Variants in LAMA2 observed in about 807,000 individuals in gnomAD.
LAMA2 encodes laminin subunit alpha 2.
LAMA2 carries 269 observed loss-of-function variants against 364.8 expected under a neutral mutation model. The observed-to-expected ratio is 0.74, with a 90% CI of 0.67 to 0.82. The LOEUF is 0.82. Ranked by LOEUF, LAMA2 falls within the 40% of genes least tolerant of loss-of-function variation. The probability of loss-of-function intolerance (pLI) is 0.00; values close to 1 mark genes in which losing one functional copy is unlikely to be tolerated. For missense variants in LAMA2, 3,807 were observed against 3,873.2 expected (o/e 0.98, Z 0.45); for synonymous variants, 1,379 against 1,370.6 (o/e 1.01, Z -0.14).
rs928627558 is a variant in LAMA2, at chr6:129,328,712, T to G, written c.4311+300T>G. On this transcript the variant is annotated intron_variant, in intron 29 of 64. Coordinates refer to ENST00000421865, the MANE Select transcript of LAMA2 (RefSeq NM_000426.4). ...TTTTTTCTGATTATTTTCTTATAAA[T>G]AAACTTTCTATAAAATTTGGAAATT... 2.0e-5 allele frequency among the ~76,000 whole-genome samples: 3 copies of G among 152,148 alleles called. No homozygotes were observed. In the East Asian group the frequency reaches 5.8e-4, roughly 29 times the overall value.
intron 37 of LAMA2, 69 bp downstream of exon 37, chr6:129,393,324 G>A (rs1779428520): frequency 1.7e-6 from 2 of 1,153,604 alleles, no homozygotes; most frequent in African/African-American, 3.0e-5. Flanking sequence ...GTTGAACATG[G>A]CTGGACTATT....
In LAMA2 at chr6:129,148,568, T is replaced by A. The variant is rs79114164; in HGVS notation, c.910-411T>A. On this transcript the variant is annotated intron_variant, in intron 6 of 64. Coordinates refer to ENST00000421865, the MANE Select transcript of LAMA2 (RefSeq NM_000426.4). ...AGAGACATTAGATTTCTGGTTTACC[T>A]GCACCCCTAGAGGCCTAGGAATCAA... 9.5e-3 allele frequency among the ~76,000 whole-genome samples: 1,448 copies of A among 152,174 alleles called. 28 individuals carry two copies. Among genetic ancestry groups the A allele is most frequent in the African/African-American group, 0.034 (1,402 of 41,534 alleles).
At chr6:129,080,469 T>G (rs1452942116) in intron 3 of LAMA2, among the ~76,000 whole-genome samples, 1 of 152,190 alleles carries the variant, frequency 6.6e-6, no homozygotes, top group Non-Finnish European at 1.5e-5. Flanking sequence ...TTCTAACTTC[T>G]CATATACATG....
intron 32 of LAMA2, among the ~76,000 whole-genome samples, chr6:129,361,409 C>A (rs1777451630): frequency 6.6e-6 from 1 of 152,126 alleles, no homozygotes; most frequent in African/African-American, 2.4e-5. Context: ...TTATACATTC[C>A]AAAGTTTAGT....
intron 37 of LAMA2, among the ~76,000 whole-genome samples, chr6:129,396,446 G>A (rs1289132890): frequency 6.6e-6 from 1 of 152,172 alleles, no homozygotes; most frequent in Non-Finnish European, 1.5e-5. Flanking sequence ...GGAAGTGTAA[G>A]GTGATCTTAG....
intron 3 of LAMA2, among the ~76,000 whole-genome samples, chr6:129,087,321 A>G (rs1219886149): frequency 3.3e-5 from 5 of 152,220 alleles, no homozygotes; most frequent in Non-Finnish European, 5.9e-5. Context: ...CCTAAATAAA[A>G]TGTTATTTTC....
chr6:129,115,287 A>G (rs539378863), intron 4 of LAMA2, among the ~76,000 whole-genome samples: 28 of 152,254 alleles, frequency 1.8e-4, no homozygotes, highest in African/African-American at 6.0e-4. Context: ...TCTGTAACTT[A>G]GCAAAAATAC....
chr6:129,138,946 G>A (rs1014293237), intron 4 of LAMA2, among the ~76,000 whole-genome samples: 4 of 152,032 alleles, frequency 2.6e-5, no homozygotes, highest in African/African-American at 4.8e-5. Flanking sequence ...TAGCTGAAGC[G>A]GTAGAAGGAA....
At chr6:129,118,735 A>G (rs1322706747) in intron 4 of LAMA2, among the ~76,000 whole-genome samples, 1 of 152,178 alleles carries the variant, frequency 6.6e-6, no homozygotes, top group African/African-American at 2.4e-5. Context: ...TACAGTCAGA[A>G]TCTCTCTAAG....
chr6:129,076,509 A>AT lies in LAMA2; in HGVS notation c.396+16614dup, dbSNP rs1324193568. 2.9e-4 allele frequency among the ~76,000 whole-genome samples: 41 copies of AT among 139,722 alleles called. 1 individual carries two copies. Among genetic ancestry groups the AT allele is most frequent in the African/African-American group, 1.0e-3 (39 of 37,386 alleles). 91.7% of individuals were successfully genotyped at this position (139,722 alleles called of 152,430 possible). ...TTATATATTATATATAAATATATAT[A>AT]TATAATATATATAAAATTAGAGAAT... On this transcript the variant is annotated intron_variant, in intron 3 of 64. Coordinates refer to ENST00000421865, the MANE Select transcript of LAMA2 (RefSeq NM_000426.4).
At chr6:129,339,727 G>A (rs922701668) in intron 29 of LAMA2, among the ~76,000 whole-genome samples, 3 of 152,188 alleles carry the variant, frequency 2.0e-5, no homozygotes, top group African/African-American at 4.8e-5. Flanking sequence ...CATGGGGGCT[G>A]GGCACGGCAG....
intron 58 of LAMA2, among the ~76,000 whole-genome samples, chr6:129,495,507 G>A (rs1785117740): frequency 6.6e-6 from 1 of 152,142 alleles, no homozygotes; most frequent in Non-Finnish European, 1.5e-5. Flanking sequence ...ACCTAAGAAT[G>A]TTTTAATGTT....
chr6:129,310,781 T>G (rs1234090658), intron 22 of LAMA2, among the ~76,000 whole-genome samples: 1 of 152,120 alleles, frequency 6.6e-6, no homozygotes, highest in Non-Finnish European at 1.5e-5. Flanking sequence ...GAGGGCATGC[T>G]CCTTCTCCCC....
chr6:129,127,769 T>C (rs1480051560), intron 4 of LAMA2, among the ~76,000 whole-genome samples: 2 of 152,192 alleles, frequency 1.3e-5, no homozygotes, highest in African/African-American at 4.8e-5. Context: ...TAATGATTAG[T>C]GATTTTTTCA....
intron 1 of LAMA2, among the ~76,000 whole-genome samples, chr6:129,024,677 T>C (rs779814724): frequency 3.3e-5 from 5 of 152,128 alleles, no homozygotes; most frequent in Non-Finnish European, 7.4e-5. Context: ...ATTACAGGCA[T>C]GAGCCACCGT....
chr6:129,217,770 C>G (rs1783519449), intron 12 of LAMA2, among the ~76,000 whole-genome samples: 1 of 152,078 alleles, frequency 6.6e-6, no homozygotes, highest in African/African-American at 2.4e-5. Context: ...CTGGGAACCC[C>G]AGGATATAAT....
intron 1 of LAMA2, among the ~76,000 whole-genome samples, chr6:128,986,937 C>T (rs1027196821): frequency 6.6e-6 from 1 of 151,992 alleles, no homozygotes; most frequent in African/African-American, 2.4e-5. Flanking sequence ...TTTTCTTCCT[C>T]ACTAATGTGT....
chr6:129,235,193 T>C (rs913927225), intron 12 of LAMA2, among the ~76,000 whole-genome samples: 7 of 152,132 alleles, frequency 4.6e-5, no homozygotes, highest in African/African-American at 1.4e-4. Flanking sequence ...TGGTACAAAA[T>C]AAACATTAGG....
At chr6:129,125,985 C>T (rs1259358384) in intron 4 of LAMA2, among the ~76,000 whole-genome samples, 1 of 152,066 alleles carries the variant, frequency 6.6e-6, no homozygotes, top group African/African-American at 2.4e-5. Context: ...ATGTGATATA[C>T]TTATACCCAT....
Sources: allele counts gnomAD v4.1 joint callset (sites outside exome capture counted in the v4.1 genomes callset), GRCh38; gene constraint gnomAD v4.1.1; transcripts MANE v1.5; gene names NCBI Gene and HGNC (gene_info 2026-07-23, HGNC 2026-07-21).